CLTC: variants seen among roughly 807,000 people sequenced by gnomAD.
CLTC encodes the protein clathrin heavy chain.
A neutral mutation model predicts 195.8 loss-of-function variants in CLTC; 16 were observed. That is an observed-to-expected ratio of 0.08 (90% confidence interval 0.06 to 0.12). The LOEUF (loss-of-function observed/expected upper bound fraction) is 0.12. CLTC is among the 10% of genes least tolerant of loss of function. CLTC has a pLI of 1.00. For missense variants in CLTC, 796 were observed against 2,027.0 expected (o/e 0.39, Z 11.66); for synonymous variants, 667 against 689.4 (o/e 0.97, Z 0.51).
intron 1 of CLTC, among the ~76,000 whole-genome samples, chr17:59,631,653 G>A (rs970172627): frequency 2.0e-5 from 3 of 152,142 alleles, no homozygotes; most frequent in East Asian, 1.9e-4. Context: ...CAATGTGGAA[G>A]GAGTAACAAG....
intron 1 of CLTC, among the ~76,000 whole-genome samples, chr17:59,621,213 GAATT>G (rs758662963): frequency 3.3e-5 from 5 of 152,206 alleles, no homozygotes; most frequent in Non-Finnish European, 7.3e-5. Context: ...AGGCTTCACT[GAATT>G]AAACCTCTTC....
At chr17:59,684,421 T>TC (rs2033137081) in intron 28 of CLTC, 1 of 170,170 alleles carries the variant, frequency 5.9e-6, no homozygotes, top group African/African-American at 2.4e-5. Flanking sequence ...TGCCTTTTTT[T>TC]CTCTCTCTTC....
intron 1 of CLTC, among the ~76,000 whole-genome samples, chr17:59,640,749 G>GC (rs1248681671): frequency 6.6e-6 from 1 of 152,034 alleles, no homozygotes; most frequent in Non-Finnish European, 1.5e-5. Context: ...ATAGGAAGGA[G>GC]CAGGGTCCTG....
intron 1 of CLTC, among the ~76,000 whole-genome samples, chr17:59,641,112 G>A (rs535491841): frequency 3.0e-5 from 3 of 100,680 alleles, no homozygotes; most frequent in African/African-American, 5.8e-5. Context: ...AGCGAGACTC[G>A]GTTTCAAAAA....
chr17:59,652,877 A>AGAAAATCTGTTGTTTAGT (rs1262527189), intron 5 of CLTC, among the ~76,000 whole-genome samples: 1 of 152,208 alleles, frequency 6.6e-6, no homozygotes, highest in Non-Finnish European at 1.5e-5. Flanking sequence ...TTCTCTGTAG[A>AGAAAATCTGTTGTTTAGT]GAAAATCTGT....
intron 14 of CLTC, chr17:59,671,020 C>G (rs1315113899): frequency 6.6e-6 from 1 of 152,112 alleles, no homozygotes; most frequent in Non-Finnish European, 1.5e-5. Context: ...CAACCATAAG[C>G]TATGTTTATT....
chr17:59,664,128 C>T (rs541526227), intron 9 of CLTC, 134 bp downstream of exon 9: 1 of 738,070 alleles, frequency 1.4e-6, no homozygotes, highest in South Asian at 2.1e-5. Context: ...TATAAAAATT[C>T]TCTTACCCCT....
At chr17:59,669,010 A>C in intron 14 of CLTC, 70 bp downstream of exon 14, 1 of 1,389,402 alleles carries the variant, frequency 7.2e-7, no homozygotes. Context: ...GTTTGGTCAT[A>C]GTTCAAAAAT....
At chr17:59,680,843 A>G in intron 18 of CLTC, 69 bp from the exon 19 acceptor site, 1 of 1,320,982 alleles carries the variant, frequency 7.6e-7, no homozygotes, top group Admixed American at 2.5e-5. Context: ...TTTTCTAATG[A>G]GAGGCCAACT....
At chr17:59,620,288 G>T in intron 1 of CLTC, 115 bp downstream of exon 1, 1 of 1,022,830 alleles carries the variant, frequency 9.8e-7, no homozygotes, top group South Asian at 1.3e-5. Context: ...GGTTGTCGGT[G>T]ATTGGGGTAG....
intron 1 of CLTC, among the ~76,000 whole-genome samples, chr17:59,637,910 T>C (rs931532757): frequency 5.3e-5 from 8 of 150,356 alleles, no homozygotes; most frequent in Non-Finnish European, 1.2e-4. Flanking sequence ...AGCAAGACCC[T>C]GTATGAGAAA....
At chr17:59,641,999 GTTT>G (rs398031234) in intron 1 of CLTC, among the ~76,000 whole-genome samples, 3,441 of 128,544 alleles carry the variant, frequency 0.027, 122 homozygotes, top group African/African-American at 0.094. Context: ...AATCTTTGTT[GTTT>G]TTTTTTTTTT....
At chr17:59,677,428 A>G (rs886353574) in intron 17 of CLTC, among the ~76,000 whole-genome samples, 7 of 152,024 alleles carry the variant, frequency 4.6e-5, no homozygotes, top group African/African-American at 1.7e-4. Flanking sequence ...TTGTGTTCTC[A>G]CACTCTTACA....
chr17:59,657,901 TAAAA>T (rs916520631), intron 6 of CLTC, among the ~76,000 whole-genome samples: 7 of 143,264 alleles, frequency 4.9e-5, no homozygotes, highest in Admixed American at 7.0e-5. Context: ...ATTAAAAAAA[TAAAA>T]AAAAAGACAG....
At chr17:59,641,123 A>AAC (rs746474433) in intron 1 of CLTC, among the ~76,000 whole-genome samples, 3 of 151,762 alleles carry the variant, frequency 2.0e-5, no homozygotes, top group Non-Finnish European at 4.4e-5. Flanking sequence ...GTTTCAAAAA[A>AAC]AAAAACAAAA....
At chr17:59,641,126 A>AAG (rs910018855) in intron 1 of CLTC, among the ~76,000 whole-genome samples, 1 of 151,656 alleles carries the variant, frequency 6.6e-6, no homozygotes, top group African/African-American at 2.4e-5. Context: ...TCAAAAAAAA[A>AAG]AACAAAAAAC....
Position 59,644,259 on chromosome 17 carries a change from CTTA to C in CLTC, c.43-11_43-9del, listed in dbSNP as rs753372051. ...TGGAATCCACTTGGTAACATGGTTT[CTTA>C]TTATTTTTTCTAGCTCCAGAACCTG... On this transcript the variant is annotated splice_polypyrimidine_tract_variant and intron_variant, in intron 1 of 31. Coordinates refer to ENST00000269122, the MANE Select transcript of CLTC (RefSeq NM_004859.4). 2 of 1,607,760 alleles carry C rather than the reference CTTA, an allele frequency of 1.2e-6. No homozygotes were observed. The highest frequency in any genetic ancestry group is 1.7e-6 in the Non-Finnish European group (2 of 1,176,412).
At position 59,619,963 on chromosome 17, in the gene CLTC, C is replaced by T. The variant is rs1444214417; in HGVS notation, c.-169C>T. 1.1e-5 allele frequency: 7 copies of T among 615,848 alleles called. No individual in the cohort carries two copies. Among genetic ancestry groups the T allele is most frequent in the African/African-American group, 3.7e-5 (2 of 54,420 alleles). The allele number at this position is 615,848 out of a possible 1,614,324, so 38.1% of individuals were successfully genotyped here. The stretch of plus-strand genomic sequence containing the variant: ...GCTCTCCTGGCCCCTGGAGCCTCCG[C>T]CCCCGACCCGAGCTCTTTCGTCTGC... On this transcript the variant is annotated 5_prime_UTR_variant, in exon 1 of 32. Transcript: ENST00000269122.
Position 59,693,621 on chromosome 17 carries a change from G to C in CLTC, c.4904-107G>C. 3.1e-6 allele frequency: 4 copies of C among 1,309,740 alleles called. No individual in the cohort carries two copies. In the South Asian group the frequency reaches 6.2e-5, roughly 20 times the overall value. The allele number at this position is 1,309,740 out of a possible 1,614,324, so 81.1% of individuals were successfully genotyped here. On this transcript the variant is annotated intron_variant, in intron 31 of 31. Coordinates refer to ENST00000269122, the MANE Select transcript of CLTC (RefSeq NM_004859.4). ...CCCCCCATACAACTCATTTGAGGTT[G>C]AGATTATGTTGCTAGAGTGGAGGAG...
Sources: allele counts gnomAD v4.1 joint callset (sites outside exome capture counted in the v4.1 genomes callset), GRCh38; gene constraint gnomAD v4.1.1; transcripts MANE v1.5; gene names NCBI Gene and HGNC (gene_info 2026-07-23, HGNC 2026-07-21).